Variants in ME3 observed in about 807,000 individuals in gnomAD.
The protein encoded by ME3 is malic enzyme 3, also known as NADP-dependent malic enzyme, mitochondrial.
Under a neutral mutation model 68.9 loss-of-function variants are expected in ME3, and 48 were observed. The observed-to-expected ratio is 0.70, with a 90% CI of 0.55 to 0.89. The LOEUF (loss-of-function observed/expected upper bound fraction) is 0.89. ME3 is among the 40% of genes least tolerant of loss of function. The pLI is 0.00. For missense variants in ME3, 675 were observed against 797.4 expected, an observed-to-expected ratio of 0.85 and a Z score of 1.85; for synonymous variants, 320 against 318.8, an observed-to-expected ratio of 1.00 and a Z score of -0.04.
intron 7 of ME3, among the ~76,000 whole-genome samples, chr11:86,483,156 A>G (rs549403193): frequency 8.5e-4 from 130 of 152,220 alleles, no homozygotes; most frequent in Non-Finnish European, 1.1e-3. Flanking sequence ...AGAGACATCT[A>G]GTCATTTTGA....
In ME3 at chr11:86,574,989, G is replaced by A. The variant is rs1958019446; in HGVS notation, c.184-15166C>T. On this transcript the variant is annotated intron_variant, in intron 2 of 14. Coordinates refer to ENST00000543262, the Ensembl canonical transcript of ME3. ...TGGCAGCTTGCAACCCTGACAGGTT[G>A]TCCAGCCTGGGCAGGGGCCAACTTG... is the stretch of plus-strand genomic sequence containing the variant. Among the ~76,000 whole-genome samples the A allele has an allele frequency of 1.7e-5, 2 of 118,582 alleles. 1 individual carries two copies. The highest frequency in any genetic ancestry group is 7.9e-5 in the African/African-American group (2 of 25,412). 77.8% of individuals were successfully genotyped at this position (118,582 alleles called of 152,430 possible).
intron 5 of ME3, among the ~76,000 whole-genome samples, chr11:86,502,514 C>A (rs376300565): frequency 6.6e-6 from 1 of 152,194 alleles, no homozygotes; most frequent in Non-Finnish European, 1.5e-5. Context: ...GTGTCTTCTG[C>A]GCTGAACAGA....
At chr11:86,560,730 G>GTA (rs1477551636) in intron 2 of ME3, among the ~76,000 whole-genome samples, 83 of 41,272 alleles carry the variant, frequency 2.0e-3, no homozygotes, top group African/African-American at 6.4e-3. Flanking sequence ...GTGTGTATGT[G>GTA]TGTGTGTGTG....
At chr11:86,539,342 T>C (rs1955893050) in intron 4 of ME3, among the ~76,000 whole-genome samples, 1 of 152,156 alleles carries the variant, frequency 6.6e-6, no homozygotes, top group South Asian at 2.1e-4. Context: ...AACAATTCAA[T>C]GGAGGGATTT....
chr11:86,529,296 G>T (rs1212622388), intron 4 of ME3, among the ~76,000 whole-genome samples: 1 of 152,086 alleles, frequency 6.6e-6, no homozygotes, highest in Non-Finnish European at 1.5e-5. Context: ...ACCCTCCCAA[G>T]ACTAAACCAG....
chr11:86,458,749 TG>T (rs1950078799), intron 8 of ME3, among the ~76,000 whole-genome samples: 5 of 151,610 alleles, frequency 3.3e-5, no homozygotes, highest in Admixed American at 3.3e-4. Context: ...TGGTGGTGGG[TG>T]AGAGAGAGGG....
At chr11:86,449,780 T>C in intron 10 of ME3, 109 bp downstream of exon 10, 1 of 753,450 alleles carries the variant, frequency 1.3e-6, no homozygotes, top group Non-Finnish European at 2.2e-6. Flanking sequence ...TTGCCCTCAT[T>C]TTGCTCTCTA....
At chr11:86,667,800 G>T (rs140149200) in intron 2 of ME3, 2 of 152,248 alleles carry the variant, frequency 1.3e-5, no homozygotes, top group Non-Finnish European at 2.9e-5. Flanking sequence ...CCATCAACAT[G>T]TTGCTACAGT....
intron 2 of ME3, among the ~76,000 whole-genome samples, chr11:86,638,863 G>A (rs1023214548): frequency 6.6e-5 from 10 of 152,120 alleles, no homozygotes; most frequent in Non-Finnish European, 1.3e-4. Flanking sequence ...CTAAGCCTGA[G>A]CTCCTTCCAC....
chr11:86,529,328 G>A (rs1175682449), intron 4 of ME3, among the ~76,000 whole-genome samples: 3 of 151,976 alleles, frequency 2.0e-5, no homozygotes, highest in Non-Finnish European at 2.9e-5. Context: ...ATCTCTGAAT[G>A]GACCAATAAC....
chr11:86,609,487 T>C (rs890349935), intron 2 of ME3, among the ~76,000 whole-genome samples: 5 of 152,176 alleles, frequency 3.3e-5, no homozygotes, highest in African/African-American at 1.2e-4. Context: ...AAATGAATAT[T>C]TGCTAAATGA....
intron 2 of ME3, among the ~76,000 whole-genome samples, chr11:86,617,423 A>G (rs1943051934): frequency 6.6e-6 from 1 of 152,180 alleles, no homozygotes; most frequent in Non-Finnish European, 1.5e-5. Flanking sequence ...AAACTGTTGC[A>G]TGAATCTGGA....
exon 2 of ME3, chr11:86,671,775 G>A (rs1474526011): frequency 5.6e-6 from 9 of 1,603,770 alleles, no homozygotes. Flanking sequence ...GTTGAGATGA[G>A]GGTTCCTGGT....
At chr11:86,595,055 C>A (rs7124121) in intron 2 of ME3, among the ~76,000 whole-genome samples, 91,287 of 143,858 alleles carry the variant, frequency 0.63, 32,249 homozygotes, top group Middle Eastern at 0.72. Context: ...ATAGAGCATT[C>A]ACAATAGAAG....
At chr11:86,523,347 G>T (rs1050969182) in intron 4 of ME3, among the ~76,000 whole-genome samples, 1 of 152,164 alleles carries the variant, frequency 6.6e-6, no homozygotes, top group African/African-American at 2.4e-5. Context: ...TATCACTGAG[G>T]TAAGTTGGCA....
At chr11:86,633,934 G>A (rs1488669067) in intron 2 of ME3, among the ~76,000 whole-genome samples, 1 of 152,200 alleles carries the variant, frequency 6.6e-6, no homozygotes, top group Non-Finnish European at 1.5e-5. Flanking sequence ...GCCCCATGCT[G>A]ATTCTGCCAT....
At chr11:86,449,639 G>A (rs1949523686) in intron 10 of ME3, among the ~76,000 whole-genome samples, 7 of 152,200 alleles carry the variant, frequency 4.6e-5, no homozygotes, top group Admixed American at 4.6e-4. Flanking sequence ...TGTGGCTGGA[G>A]GCTAGTGCAA....
At chr11:86,646,231 G>A (rs1254721655) in intron 2 of ME3, among the ~76,000 whole-genome samples, 2 of 152,166 alleles carry the variant, frequency 1.3e-5, no homozygotes, top group African/African-American at 4.8e-5. Flanking sequence ...GGCTTCAGAA[G>A]GTGGGTAATA....
At chr11:86,622,292 C>T (rs534169312) in intron 2 of ME3, among the ~76,000 whole-genome samples, 7 of 152,118 alleles carry the variant, frequency 4.6e-5, no homozygotes, top group South Asian at 2.1e-4. Flanking sequence ...TCTCATTTTA[C>T]GCCTCCCTAT....
Sources: allele counts gnomAD v4.1 joint callset (sites outside exome capture counted in the v4.1 genomes callset), GRCh38; gene constraint gnomAD v4.1.1; transcripts MANE v1.5; gene names NCBI Gene and HGNC (gene_info 2026-07-23, HGNC 2026-07-21).